Variants in ABAT observed in about 807,000 individuals in gnomAD.
ABAT encodes the protein 4-aminobutyrate aminotransferase, mitochondrial.
In ABAT, 45 loss-of-function variants were observed where a neutral mutation model predicts 64.6. That is an observed-to-expected ratio of 0.70 (90% CI 0.55 to 0.89). The LOEUF (loss-of-function observed/expected upper bound fraction) is 0.89, where lower values mean the gene tolerates loss of function less well. Among genes scored for constraint, ABAT ranks in the 40% least tolerant of loss-of-function variants. ABAT has a pLI of 0.00. For synonymous variants in ABAT, 297 were observed against 250.5 expected (o/e 1.19, Z -1.75); for missense variants, 633 against 658.4 (o/e 0.96, Z 0.42).
intron 1 of ABAT, among the ~76,000 whole-genome samples, chr16:8,731,814 C>T (rs2058728066): frequency 6.6e-6 from 1 of 151,874 alleles, no homozygotes; most frequent in Non-Finnish European, 1.5e-5. Flanking sequence ...TTTTTCCCTT[C>T]CCCCAGCCCT....
At chr16:8,690,618 T>A (rs1291898731) in intron 1 of ABAT, among the ~76,000 whole-genome samples, 1 of 152,224 alleles carries the variant, frequency 6.6e-6, no homozygotes, top group African/African-American at 2.4e-5. Context: ...GCGGATCCGA[T>A]GATTTATCCA....
chr16:8,714,202 AC>A (rs1489856923), intron 1 of ABAT, among the ~76,000 whole-genome samples: 9 of 152,252 alleles, frequency 5.9e-5, no homozygotes, highest in African/African-American at 2.2e-4. Context: ...TTGCAACACC[AC>A]AGTCCGCCTG....
At chr16:8,769,089 T>C in intron 11 of ABAT, 116 bp downstream of exon 11, 1 of 1,446,150 alleles carries the variant, frequency 6.9e-7, no homozygotes, top group Non-Finnish European at 9.6e-7. Flanking sequence ...TGTGCAGTGC[T>C]CCCCCAGAGG....
At chr16:8,678,249 A>G (rs2057250075) in intron 1 of ABAT, among the ~76,000 whole-genome samples, 1 of 152,176 alleles carries the variant, frequency 6.6e-6, no homozygotes, top group Non-Finnish European at 1.5e-5. Flanking sequence ...TAGTAGAGAC[A>G]GAGTCGGGTG....
intron 1 of ABAT, chr16:8,715,633 T>TAAAAAA (rs61191788): frequency 1.2e-5 from 1 of 81,528 alleles, no homozygotes; most frequent in Non-Finnish European, 2.3e-5. Flanking sequence ...ACCCTGTCTC[T>TAAAAAA]AAAAAAAAAA....
intron 1 of ABAT, among the ~76,000 whole-genome samples, chr16:8,731,972 G>C (rs2058734215): frequency 6.6e-6 from 1 of 151,992 alleles, no homozygotes; most frequent in South Asian, 2.1e-4. Flanking sequence ...TCCTGCCTCA[G>C]CCTCCCAAGT....
At chr16:8,737,503 C>A (rs924975117) in intron 2 of ABAT, 7 of 119,028 alleles carry the variant, frequency 5.9e-5, no homozygotes, top group African/African-American at 2.2e-4. Context: ...AAATAAACAT[C>A]TTATTTTTTA....
chr16:8,725,778 G>T (rs2058533132), intron 1 of ABAT, among the ~76,000 whole-genome samples: 1 of 152,186 alleles, frequency 6.6e-6, no homozygotes, highest in Admixed American at 6.5e-5. Flanking sequence ...GGGTCATGTA[G>T]TAGTAATTCT....
intron 1 of ABAT, among the ~76,000 whole-genome samples, chr16:8,723,102 G>A (rs987771072): frequency 6.6e-5 from 10 of 152,168 alleles, no homozygotes; most frequent in East Asian, 1.9e-4. Flanking sequence ...GTGTGGTGGC[G>A]TGCCCCTGTA....
chr16:8,726,320 GCGCCA>G, intron 1 of ABAT, among the ~76,000 whole-genome samples: 1 of 145,866 alleles, frequency 6.9e-6, no homozygotes, highest in Non-Finnish European at 1.5e-5. Flanking sequence ...GAGTGCAGTG[GCGCCA>G]TCTCGGCTCA....
intron 1 of ABAT, among the ~76,000 whole-genome samples, chr16:8,704,211 C>A (rs1368719215): frequency 6.6e-6 from 1 of 152,206 alleles, no homozygotes; most frequent in African/African-American, 2.4e-5. Flanking sequence ...AAGCTAATGT[C>A]CTTTTTATAG....
intron 1 of ABAT, among the ~76,000 whole-genome samples, chr16:8,722,372 T>C (rs1195731359): frequency 6.6e-6 from 1 of 152,234 alleles, no homozygotes; most frequent in Non-Finnish European, 1.5e-5. Flanking sequence ...CTCAAACGCC[T>C]GGCCTCAGCT....
At chr16:8,717,223 A>G (rs73497691) in intron 1 of ABAT, among the ~76,000 whole-genome samples, 45,088 of 151,980 alleles carry the variant, frequency 0.3, 8,074 homozygotes, top group African/African-American at 0.5. Flanking sequence ...CTGGGAGGCG[A>G]AGGTTGCAGT....
At chr16:8,679,063 G>A (rs987101147) in intron 1 of ABAT, among the ~76,000 whole-genome samples, 6 of 152,082 alleles carry the variant, frequency 3.9e-5, no homozygotes, top group African/African-American at 1.4e-4. Flanking sequence ...TCACGTCTGC[G>A]ATCCCAGCAC....
chr16:8,754,268 T>C (rs1022948286), intron 5 of ABAT, among the ~76,000 whole-genome samples: 2 of 149,384 alleles, frequency 1.3e-5, no homozygotes, highest in African/African-American at 4.9e-5. Flanking sequence ...AGTGGGAGGA[T>C]TGCTTAAGCT....
chr16:8,775,011 T>A lies in ABAT; in HGVS notation c.1076T>A (p.Met359Lys). 6.2e-7 allele frequency: 1 copy of A among 1,614,224 alleles called. No homozygotes were observed. Among genetic ancestry groups the A allele is most frequent in the Non-Finnish European group, 8.5e-7 (1 of 1,180,044 alleles). ...PADVMTFSKK[M>K]MTGGFFHKEE... The stretch of plus-strand genomic sequence containing the variant: ...GACGTGATGACCTTCAGCAAGAAGA[T>A]GATGACTGGGGGCTTCTTCCACAAG... Residue 359 changes from methionine to lysine, a missense_variant, in exon 13 of 16, where the codon ATG becomes AAG. Transcript: ENST00000268251.
intron 1 of ABAT, among the ~76,000 whole-genome samples, chr16:8,674,986 G>C (rs535827011): frequency 6.6e-6 from 1 of 152,056 alleles, no homozygotes; most frequent in African/African-American, 2.4e-5. Context: ...AATAGAATGC[G>C]GCCCCAAAAA....
intron 1 of ABAT, among the ~76,000 whole-genome samples, chr16:8,697,258 T>C (rs775310956): frequency 8.5e-5 from 13 of 152,166 alleles, no homozygotes; most frequent in Non-Finnish European, 1.9e-4. Context: ...TTGGGAGGAC[T>C]TGAGGTCATC....
intron 1 of ABAT, among the ~76,000 whole-genome samples, chr16:8,685,876 T>C (rs2057444281): frequency 6.6e-6 from 1 of 151,998 alleles, no homozygotes; most frequent in Non-Finnish European, 1.5e-5. Context: ...ATGGAAGAGA[T>C]TAAAGCAAGG....
Sources: gnomAD v4.1 joint callset for allele counts (sites outside exome capture counted in the v4.1 genomes callset) on GRCh38, gnomAD v4.1.1 for gene constraint, MANE v1.5 for transcripts, NCBI Gene and HGNC (gene_info 2026-07-23, HGNC 2026-07-21) for gene names.